The following EPHA6 variants were observed in gnomAD, a reference collection of about 807,000 sequenced individuals.
EPHA6 encodes EPH receptor A6, also known as ephrin type-A receptor 6.
Under a neutral mutation model 112.0 loss-of-function variants are expected in EPHA6, and 50 were observed. The observed-to-expected ratio is 0.45, with a 90% confidence interval of 0.36 to 0.56. EPHA6 has a LOEUF of 0.56. Ranked by LOEUF, EPHA6 falls within the 20% of genes least tolerant of loss-of-function variation. The probability of loss-of-function intolerance (pLI) is 0.00; values close to 1 mark genes in which losing one functional copy is unlikely to be tolerated. For synonymous variants in EPHA6, 529 were observed against 490.7 expected, an observed-to-expected ratio of 1.08 and a Z score of -1.03; for missense variants, 1,280 against 1,417.4, an observed-to-expected ratio of 0.90 and a Z score of 1.56.
intron 14 of EPHA6, among the ~76,000 whole-genome samples, chr3:97,664,856 A>T (rs1439314359): frequency 6.6e-6 from 1 of 152,216 alleles, no homozygotes; most frequent in Non-Finnish European, 1.5e-5. Context: ...ATGCTGATGG[A>T]TAGGAAGAAT....
intron 11 of EPHA6, among the ~76,000 whole-genome samples, chr3:97,583,675 T>TAAG (rs2093462361): frequency 6.6e-6 from 1 of 152,234 alleles, no homozygotes; most frequent in African/African-American, 2.4e-5. Flanking sequence ...TGTTCATGGA[T>TAAG]AAGAAGACTC....
intron 14 of EPHA6, among the ~76,000 whole-genome samples, chr3:97,665,808 G>A (rs1328206038): frequency 2.0e-5 from 3 of 151,972 alleles, no homozygotes; most frequent in African/African-American, 7.3e-5. Flanking sequence ...CTGTAATCCC[G>A]GCACTTTGGG....
In EPHA6 at chr3:97,753,297, A is replaced by G. The variant is rs1338439533; in HGVS notation, c.*4596A>G. 6.6e-6 allele frequency among the ~76,000 whole-genome samples: 1 copy of G among 152,160 alleles called. No homozygotes were observed. The highest frequency in any genetic ancestry group is 1.9e-4 in the East Asian group (1 of 5,194). On this transcript the variant is annotated 3_prime_UTR_variant, in exon 18 of 18. Coordinates refer to ENST00000389672, the MANE Select transcript of EPHA6 (RefSeq NM_001080448.3). ...TAGAGCTTTATTTGCTATGTTTGCT[A>G]TGGTTGCCATGTCACCGGGGGATAG... is the stretch of plus-strand genomic sequence containing the variant.
intron 4 of EPHA6, among the ~76,000 whole-genome samples, chr3:97,229,940 A>G (rs1030410109): frequency 4.6e-5 from 7 of 152,130 alleles, no homozygotes; most frequent in African/African-American, 7.2e-5. Context: ...ACTTCTTAAT[A>G]TAATTTCTCA....
chr3:97,382,614 T>A (rs888396164), intron 5 of EPHA6, among the ~76,000 whole-genome samples: 5 of 152,032 alleles, frequency 3.3e-5, no homozygotes, highest in Non-Finnish European at 7.4e-5. Flanking sequence ...ATTTTTAACT[T>A]TAGTGATCTG....
At chr3:97,109,874 T>A (rs2047673205) in intron 3 of EPHA6, among the ~76,000 whole-genome samples, 1 of 152,046 alleles carries the variant, frequency 6.6e-6, no homozygotes, top group African/African-American at 2.4e-5. Context: ...AGTACAGAAG[T>A]GATCATATGG....
chr3:96,913,203 C>T (rs1175511591), intron 2 of EPHA6, among the ~76,000 whole-genome samples: 4 of 120,450 alleles, frequency 3.3e-5, no homozygotes, highest in Non-Finnish European at 6.8e-5. Flanking sequence ...CACACACACA[C>T]ACACACACAC....
At chr3:97,174,331 A>G (rs568795697) in intron 3 of EPHA6, among the ~76,000 whole-genome samples, 1 of 151,890 alleles carries the variant, frequency 6.6e-6, no homozygotes, top group Non-Finnish European at 1.5e-5. Flanking sequence ...CCAAATCTTA[A>G]CTATGGTGAG....
At chr3:96,909,407 C>A (rs1225753524) in intron 2 of EPHA6, among the ~76,000 whole-genome samples, 3 of 151,780 alleles carry the variant, frequency 2.0e-5, no homozygotes, top group African/African-American at 7.3e-5. Flanking sequence ...TCATAGAAAT[C>A]TTCAAATACT....
intron 11 of EPHA6, among the ~76,000 whole-genome samples, chr3:97,558,226 C>G (rs1378254988): frequency 1.3e-5 from 2 of 152,012 alleles, no homozygotes; most frequent in African/African-American, 4.8e-5. Context: ...CCTTTTCCAG[C>G]TGAAGGCATA....
intron 2 of EPHA6, among the ~76,000 whole-genome samples, chr3:96,982,573 G>A (rs575373251): frequency 8.1e-4 from 123 of 152,236 alleles, no homozygotes; most frequent in African/African-American, 2.6e-3. Context: ...TATTAGGTCC[G>A]CTTGGTGCAG....
At chr3:97,550,739 G>C (rs902384336) in intron 11 of EPHA6, among the ~76,000 whole-genome samples, 4 of 152,090 alleles carry the variant, frequency 2.6e-5, no homozygotes, top group Non-Finnish European at 5.9e-5. Context: ...TAAGATGGGG[G>C]TATATTAAGA....
At chr3:97,422,320 T>C (rs1204330777) in intron 6 of EPHA6, among the ~76,000 whole-genome samples, 1 of 152,160 alleles carries the variant, frequency 6.6e-6, no homozygotes, top group Non-Finnish European at 1.5e-5. Context: ...GAAAACCTTA[T>C]GTAAGATCTG....
intron 3 of EPHA6, among the ~76,000 whole-genome samples, chr3:97,157,149 G>T (rs962850007): frequency 6.6e-6 from 1 of 152,222 alleles, no homozygotes; most frequent in East Asian, 1.9e-4. Context: ...TTCATGAAGT[G>T]CTTCAATCTT....
At chr3:96,831,812 G>T (rs192241365) in intron 1 of EPHA6, among the ~76,000 whole-genome samples, 30 of 152,138 alleles carry the variant, frequency 2.0e-4, no homozygotes, top group Admixed American at 2.0e-4. Context: ...ATAGTCCACA[G>T]AATTGAAGAA....
At chr3:97,608,137 T>C (rs938241895) in intron 12 of EPHA6, among the ~76,000 whole-genome samples, 1 of 151,078 alleles carries the variant, frequency 6.6e-6, no homozygotes, top group Non-Finnish European at 1.5e-5. Context: ...TCTCAGTTGA[T>C]GCTACTGCAC....
intron 2 of EPHA6, among the ~76,000 whole-genome samples, chr3:96,930,981 G>GAC (rs2040284546): frequency 1.1e-5 from 1 of 94,702 alleles, no homozygotes; most frequent in African/African-American, 4.5e-5. Context: ...GACAGAGTGA[G>GAC]ACTCTGTCTC....
intron 2 of EPHA6, among the ~76,000 whole-genome samples, chr3:96,880,700 C>T (rs1365520183): frequency 6.6e-6 from 1 of 152,118 alleles, no homozygotes; most frequent in Non-Finnish European, 1.5e-5. Flanking sequence ...CTCCCCCCAC[C>T]TCACGCGCTG....
At chr3:97,274,179 AT>A (rs2079988573) in intron 5 of EPHA6, among the ~76,000 whole-genome samples, 1 of 152,094 alleles carries the variant, frequency 6.6e-6, no homozygotes. Context: ...GGAAGGAGAT[AT>A]TTTCCCTGGT....
Sources: gnomAD v4.1 joint callset for allele counts (sites outside exome capture counted in the v4.1 genomes callset) on GRCh38, gnomAD v4.1.1 for gene constraint, MANE v1.5 for transcripts, NCBI Gene and HGNC (gene_info 2026-07-23, HGNC 2026-07-21) for gene names.